The following CRB2 variants were observed in gnomAD, a reference collection of about 807,000 sequenced individuals.
The protein encoded by CRB2 is crumbs cell polarity complex component 2.
CRB2 carries 85 observed loss-of-function variants against 110.9 expected under a neutral mutation model. The ratio of observed to expected loss-of-function variants is 0.77; its 90% confidence interval spans 0.64 to 0.92. The LOEUF is 0.92. CRB2 is among the 40% of genes least tolerant of loss of function. The pLI is 0.00. For missense variants in CRB2, 1,843 were observed against 1,851.3 expected, an observed-to-expected ratio of 1.00 and a Z score of 0.08; for synonymous variants, 907 against 831.0, an observed-to-expected ratio of 1.09 and a Z score of -1.57.
Position 123,356,211 on chromosome 9 carries a change from G to GCCGCCCT in CRB2, c.-47_-41dup. ...ACGAGGGGGGTGCGGAGCCAGCCAG[G>GCCGCCCT]CCGCCCTCCCGTTCTCACAGCAGCC... On this transcript the variant is annotated 5_prime_UTR_variant, in exon 1 of 13. Transcript: ENST00000373631. 7.6e-7 allele frequency: 1 copy of GCCGCCCT among 1,316,554 alleles called. No individual in the cohort carries two copies. Among genetic ancestry groups the GCCGCCCT allele is most frequent in the South Asian group, 1.6e-5 (1 of 62,824 alleles). The allele number at this position is 1,316,554 out of a possible 1,614,324, so 81.6% of individuals were successfully genotyped here.
intron 1 of CRB2, among the ~76,000 whole-genome samples, chr9:123,360,549 C>A (rs535123522): frequency 6.6e-6 from 1 of 152,304 alleles, no homozygotes; most frequent in African/African-American, 2.4e-5. Flanking sequence ...GTCAGCGGTT[C>A]CCACACCTAA....
chr9:123,376,771 C>A, intron 12 of CRB2, 67 bp from the exon 13 acceptor site: 2 of 1,416,076 alleles, frequency 1.4e-6, no homozygotes, highest in Non-Finnish European at 9.7e-7. Flanking sequence ...GCGCTCTCTG[C>A]TCTCTGAGGG....
chr9:123,373,745 C>T lies in CRB2; in HGVS notation c.3214C>T (p.Arg1072Cys), dbSNP rs770448714. 14 of 1,588,146 alleles carry T rather than the reference C, an allele frequency of 8.8e-6. No individual in the cohort carries two copies. Among genetic ancestry groups the T allele is most frequent in the Admixed American group, 3.4e-5 (2 of 59,280 alleles). Residue 1072 changes from arginine to cysteine, a missense_variant, in exon 10 of 13, where the codon CGT becomes TGT. Coordinates refer to ENST00000373631, the MANE Select transcript of CRB2 (RefSeq NM_173689.7). ...PSPCLHDGAC[R>C]DLFDAFACAC... ...GCCCTGTCTGCACGACGGTGCCTGC[C>T]GTGACCTCTTCGACGCCTTTGCCTG...
At chr9:123,360,029 A>C (rs2041849628) in intron 1 of CRB2, among the ~76,000 whole-genome samples, 1 of 152,102 alleles carries the variant, frequency 6.6e-6, no homozygotes, top group Admixed American at 6.5e-5. Context: ...GTAAAGTGAA[A>C]ATTTCACATG....
intron 1 of CRB2, among the ~76,000 whole-genome samples, chr9:123,362,015 A>G (rs1428768909): frequency 6.6e-6 from 1 of 152,194 alleles, no homozygotes; most frequent in Non-Finnish European, 1.5e-5. Flanking sequence ...GGCCAGGGGC[A>G]GGTGTCCGTG....
intron 4 of CRB2, among the ~76,000 whole-genome samples, chr9:123,366,777 C>A (rs1230612144): frequency 6.6e-6 from 1 of 151,892 alleles, no homozygotes; most frequent in Non-Finnish European, 1.5e-5. Context: ...ATTGTGAAAC[C>A]CCATCTCTAC....
In CRB2 at chr9:123,366,356, C is replaced by T. The variant is rs749978421; in HGVS notation, c.744C>T (p.Leu248=). Residue 248 remains leucine, a synonymous_variant, in exon 4 of 13, where the codon CTC becomes CTT. Transcript: ENST00000373631. ...CLEGLGSFRC[L]CWPGYSGELC... is the part of the protein sequence containing the mutation. ...AGGGCCTCGGGAGCTTCCGCTGCCT[C>T]TGTTGGCCAGGTGTGTGCGTGCAGG... 18 of 1,550,228 alleles carry T rather than the reference C, an allele frequency of 1.2e-5. No individual in the cohort carries two copies. Among genetic ancestry groups the T allele is most frequent in the Middle Eastern group, 4.2e-4 (2 of 4,718 alleles).
chr9:123,379,666 G>A (rs1588230502), downstream of CRB2: 1 of 152,410 alleles, frequency 6.6e-6, no homozygotes, highest in African/African-American at 2.4e-5. Context: ...TCTTCCCCAA[G>A]ATGATTTTAT....
chr9:123,359,458 T>G (rs1278928770), intron 1 of CRB2, among the ~76,000 whole-genome samples: 3 of 134,518 alleles, frequency 2.2e-5, no homozygotes, highest in Non-Finnish European at 4.9e-5. Context: ...TTTTTTTTTT[T>G]TTTTTTTTAA....
At chr9:123,359,430 GTTTTTGTTTTGTTTTT>G (rs781129585) in intron 1 of CRB2, among the ~76,000 whole-genome samples, 6,368 of 97,868 alleles carry the variant, frequency 0.065, 501 homozygotes, top group East Asian at 0.18. Flanking sequence ...GTGGTTTTTC[GTTTTTGTTTTGTTTTT>G]TTTTTTTTTT....
At chr9:123,373,048 GT>G (rs2042039269) in intron 9 of CRB2, 85 bp from the exon 10 acceptor site, 1 of 1,213,880 alleles carries the variant, frequency 8.2e-7, no homozygotes, top group African/African-American at 1.6e-5. Context: ...GTAAGTGGCT[GT>G]CTGCCACTCG....
chr9:123,363,280 C>G (rs1159650416), intron 2 of CRB2, 92 bp downstream of exon 2: 1 of 1,335,698 alleles, frequency 7.5e-7, no homozygotes, highest in Middle Eastern at 2.0e-4. Flanking sequence ...CTTTGCCTTT[C>G]GTGTAGGGAC....
rs563480379 is a variant in CRB2, at chr9:123,375,094, G to A, written c.3507-123G>A. On this transcript the variant is annotated intron_variant, in intron 11 of 12. Transcript: ENST00000373631. ...CAGGGCCCAGCTGGGCAGGAGCAGC[G>A]CATGGGGACAGTGGATGGATAAGCT... is the stretch of plus-strand genomic sequence containing the variant. 3.2e-5 allele frequency: 46 copies of A among 1,427,848 alleles called. 1 individual carries two copies. The highest frequency in any genetic ancestry group is 2.6e-4 in the South Asian group (20 of 77,878). The allele number at this position is 1,427,848 out of a possible 1,614,324, so 88.4% of individuals were successfully genotyped here.
chr9:123,375,410 G>GGA (rs2042088354), intron 12 of CRB2, 67 bp downstream of exon 12: 5 of 1,494,626 alleles, frequency 3.3e-6, no homozygotes, highest in Non-Finnish European at 3.6e-6. Flanking sequence ...ATGCTGCTGG[G>GGA]GAGAGAGCGC....
chr9:123,370,425 C>T lies in CRB2; in HGVS notation c.1372C>T (p.Pro458Ser), dbSNP rs762487019. The change falls in exon 7 of 13, where the codon CCC becomes TCC. Residue 458 changes from proline (P) to serine (S), a missense_variant. Physicochemically the swap from Pro to Ser is moderately conservative, Grantham distance 74. Coordinates refer to ENST00000373631, the MANE Select transcript of CRB2 (RefSeq NM_173689.7). The part of the protein sequence containing the change: ...PIQASVPAGG[P>S]LGLALRFRTT... ...TCAGGCATCAGTGCCAGCTGGTGGC[C>T]CCCTGGGTCTGGCACTGAGGTTTCG... 3.7e-6 allele frequency: 6 copies of T among 1,613,492 alleles called. No homozygotes were observed. Among genetic ancestry groups the T allele is most frequent in the South Asian group, 1.1e-5 (1 of 91,078 alleles).
Position 123,370,929 on chromosome 9 carries a change from C to A in CRB2, c.1876C>A (p.His626Asn). ...HGGSCVDLWT[H>N]FRCDCARPHR... is the part of the protein sequence containing the mutation. Reference sequence around the variant, plus strand: ...AGGGTCCTGTGTGGATCTGTGGACTCATTTCCGTTGCGACTGTGCCCGGCC... The same window carrying A: ...AGGGTCCTGTGTGGATCTGTGGACTAATTTCCGTTGCGACTGTGCCCGGCC... Residue 626 changes from histidine to asparagine, a missense_variant, in exon 7 of 13, where the codon CAT (histidine) becomes AAT (asparagine). Transcript: ENST00000373631. 1 of 1,612,012 alleles carries A rather than the reference C, an allele frequency of 6.2e-7. No homozygotes were observed. Among genetic ancestry groups the A allele is most frequent in the Middle Eastern group, 1.7e-4 (1 of 6,056 alleles).
In CRB2 at chr9:123,366,460, A is replaced by C. The variant is rs898307396; in HGVS notation, c.754+94A>C. ...TGGGGCAGGTGTGTGGCTGCACGCG[A>C]GTGCCCGCTGGGTCCTCGGGACCAG... On this transcript the variant is annotated intron_variant, in intron 4 of 12. Transcript: ENST00000373631. 6.4e-6 allele frequency: 9 copies of C among 1,403,804 alleles called. No homozygotes were observed. In the Admixed American group the frequency reaches 3.1e-4, roughly 49 times the overall value. The allele number at this position is 1,403,804 out of a possible 1,614,324, so 87.0% of individuals were successfully genotyped here.
chr9:123,355,208 C>T (rs1315106042), upstream of CRB2, among the ~76,000 whole-genome samples: 1 of 152,154 alleles, frequency 6.6e-6, no homozygotes, highest in Non-Finnish European at 1.5e-5. Flanking sequence ...AACCAGGTCC[C>T]CCTGAAGAGC....
chr9:123,366,315 A>G lies in CRB2; in HGVS notation c.703A>G (p.Asn235Asp), dbSNP rs2041931432. The G allele has an allele frequency of 2.0e-6, 3 of 1,538,268 alleles. No homozygotes were observed. Among genetic ancestry groups the G allele is most frequent in the Admixed American group, 4.0e-5 (2 of 49,850 alleles). ...GTGCGCATCGGCGCCCTGCGAGCAC[A>G]ACGCGTCCTGCCTCGAGGGCCTCGG... Reference protein sequence around the residue: ...LECASAPCEHNASCLEGLGSF... With the variant: ...LECASAPCEHDASCLEGLGSF... The change falls in exon 4 of 13, where the codon AAC becomes GAC. Residue 235 changes from asparagine to aspartate, a missense_variant. Coordinates refer to ENST00000373631, the MANE Select transcript of CRB2 (RefSeq NM_173689.7).
Sources: gnomAD v4.1 joint callset for allele counts (sites outside exome capture counted in the v4.1 genomes callset) on GRCh38, gnomAD v4.1.1 for gene constraint, MANE v1.5 for transcripts, NCBI Gene and HGNC (gene_info 2026-07-23, HGNC 2026-07-21) for gene names.